SLC66A3: variants seen among roughly 807,000 people sequenced by gnomAD.
SLC66A3 encodes the protein PQ loop repeat containing 3.
SLC66A3 carries 23 observed loss-of-function variants against 25.5 expected under a neutral mutation model. The observed-to-expected ratio is 0.90, with a 90% CI of 0.65 to 1.28. The LOEUF (loss-of-function observed/expected upper bound fraction) is 1.28, where lower values mean the gene tolerates loss of function less well. Ranked by LOEUF, SLC66A3 falls within the 50% of genes most tolerant of loss-of-function variation. The probability of loss-of-function intolerance (pLI) is 0.00; values close to 1 mark genes in which losing one functional copy is unlikely to be tolerated. For synonymous variants in SLC66A3, 108 were observed against 112.6 expected (o/e 0.96, Z 0.26); for missense variants, 246 against 262.1 (o/e 0.94, Z 0.42).
rs761534068 is a variant in SLC66A3, at chr2:11,178,559, A to G, written c.*731A>G. On this transcript the variant is annotated 3_prime_UTR_variant, in exon 7 of 7. Transcript: ENST00000295083. ...TGCCATTTTTTAAAGGGCCACAACT[A>G]TAGAATTACCACTGTTGGAATTTGG... is the stretch of plus-strand genomic sequence containing the variant. 8 of 152,672 alleles carry G rather than the reference A, an allele frequency of 5.2e-5. No homozygotes were observed. In the South Asian group the frequency reaches 6.2e-4, roughly 12 times the overall value. The allele number at this position is 152,672 out of a possible 1,614,324, so 9.5% of individuals were successfully genotyped here.
chr2:11,164,078 A>G (rs1572181740), intron 3 of SLC66A3, 126 bp from the exon 4 acceptor site: 1 of 580,928 alleles, frequency 1.7e-6, no homozygotes, highest in Non-Finnish European at 3.1e-6. Flanking sequence ...TTCTGGTAGC[A>G]TGTCCTCCCC....
chr2:11,160,599 C>T, intron 2 of SLC66A3, 26 bp from the exon 3 acceptor site: 1 of 1,614,200 alleles, frequency 6.2e-7, no homozygotes. Flanking sequence ...CCCCTTCCCC[C>T]CTCACTCGGA....
chr2:11,165,190 G>A (rs1211148421), intron 4 of SLC66A3, among the ~76,000 whole-genome samples: 3 of 151,612 alleles, frequency 2.0e-5, no homozygotes, highest in Non-Finnish European at 2.9e-5. Flanking sequence ...TGGACAGGGC[G>A]GCTGCCGGGC....
chr2:11,159,043 G>A (rs370049454), intron 1 of SLC66A3, among the ~76,000 whole-genome samples: 1 of 152,214 alleles, frequency 6.6e-6, no homozygotes, highest in East Asian at 1.9e-4. Flanking sequence ...TGGTCTGTAA[G>A]TTGTGGAGGC....
intron 6 of SLC66A3, among the ~76,000 whole-genome samples, chr2:11,175,560 C>T (rs1185261942): frequency 2.0e-5 from 3 of 152,126 alleles, no homozygotes; most frequent in Non-Finnish European, 2.9e-5. Context: ...AGGAAGGATG[C>T]GAGACTGGCA....
intron 1 of SLC66A3, among the ~76,000 whole-genome samples, chr2:11,158,743 C>G (rs1436422881): frequency 1.3e-5 from 2 of 152,046 alleles, no homozygotes; most frequent in African/African-American, 4.8e-5. Flanking sequence ...CCGCTGGAAC[C>G]CGGGAGGTGG....
At chr2:11,159,280 G>T (rs1397206850) in intron 1 of SLC66A3, among the ~76,000 whole-genome samples, 3 of 152,292 alleles carry the variant, frequency 2.0e-5, no homozygotes, top group Admixed American at 2.0e-4. Flanking sequence ...TCTCCCAGGG[G>T]AACAGAGGGG....
chr2:11,157,380 G>A (rs1236703980), intron 1 of SLC66A3, among the ~76,000 whole-genome samples: 1 of 152,238 alleles, frequency 6.6e-6, no homozygotes, highest in Non-Finnish European at 1.5e-5. Context: ...CAGCTCTGCA[G>A]CCTCCAAGCC....
rs149835969 is a variant in SLC66A3 at position 11,164,247 on chromosome 2, A to T, written c.340A>T (p.Ile114Leu). The change falls in exon 4 of 7, where the codon ATA becomes TTA. Residue 114 changes from isoleucine (I) to leucine (L), a missense_variant. Ile to Leu is a conservative substitution (Grantham distance 5). Around this residue, in one of 3 missense-constraint regions of SLC66A3, gnomAD observed 11 missense variants for 29.2 expected, o/e 0.38. Transcript: ENST00000295083. ...CATCCTTGCCCTGCAGAAGTGGATC[A>T]TAGACCTGGCCATGGTAAGTATTAT... The part of the protein sequence containing the change: ...WFILALQKWI[I>L]DLAMNLCTFI... 1.3e-6 allele frequency: 2 copies of T among 1,567,418 alleles called. No individual in the cohort carries two copies. Among genetic ancestry groups the T allele is most frequent in the Admixed American group, 3.8e-5 (2 of 52,654 alleles).
At chr2:11,172,295 G>C (rs1006562241) in intron 5 of SLC66A3, among the ~76,000 whole-genome samples, 16 of 151,962 alleles carry the variant, frequency 1.1e-4, no homozygotes, top group Non-Finnish European at 8.8e-5. Context: ...CCAAAAACCT[G>C]GCCTGATATT....
chr2:11,159,635 G>T (rs1030149704), intron 1 of SLC66A3, among the ~76,000 whole-genome samples: 8 of 152,192 alleles, frequency 5.3e-5, no homozygotes, highest in African/African-American at 1.9e-4. Context: ...CCCCTCCTGT[G>T]TGTTGAAGTC....
At position 11,171,789 on chromosome 2, in the gene SLC66A3, C is replaced by T. The variant is rs571894510; in HGVS notation, c.355-136C>T. 133 of 782,822 alleles carry T rather than the reference C, an allele frequency of 1.7e-4. 2 individuals are homozygous for T. The highest frequency in any genetic ancestry group is 1.5e-3 in the South Asian group (96 of 63,626). The allele number at this position is 782,822 out of a possible 1,614,324, so 48.5% of individuals were successfully genotyped here. On this transcript the variant is annotated intron_variant, in intron 4 of 6. Coordinates refer to ENST00000295083, the MANE Select transcript of SLC66A3 (RefSeq NM_152391.5). ...TTCACCGTGCTAGCCAGGATGGTCT[C>T]GATCTCCTGACCTCATGATCTGCCT...
At chr2:11,161,779 C>T (rs1572179178) in intron 3 of SLC66A3, among the ~76,000 whole-genome samples, 2 of 152,384 alleles carry the variant, frequency 1.3e-5, no homozygotes, top group East Asian at 3.9e-4. Context: ...CCTTGGCTTT[C>T]CAAAGTGCTG....
intron 5 of SLC66A3, chr2:11,172,651 C>G: frequency 3.2e-6 from 1 of 310,966 alleles, no homozygotes. Flanking sequence ...TCTTAAAGGG[C>G]TAATGTCTCC....
chr2:11,175,161 C>A, intron 6 of SLC66A3, 152 bp downstream of exon 6: 1 of 583,582 alleles, frequency 1.7e-6, no homozygotes, highest in Non-Finnish European at 3.0e-6. Context: ...TCTTATTGGT[C>A]ACCATTTTTA....
chr2:11,156,613 G>A, intron 1 of SLC66A3, among the ~76,000 whole-genome samples: 1 of 152,112 alleles, frequency 6.6e-6, no homozygotes, highest in East Asian at 1.9e-4. Flanking sequence ...GTGTGGGAGG[G>A]TGAGGGGTCC....
chr2:11,176,930 C>T (rs1304505563), intron 6 of SLC66A3, among the ~76,000 whole-genome samples: 2 of 152,092 alleles, frequency 1.3e-5, no homozygotes, highest in African/African-American at 2.4e-5. Flanking sequence ...GGAGTGTATC[C>T]GTACCTTAAA....
chr2:11,167,055 ATGAGT>A (rs1367366960), intron 4 of SLC66A3, among the ~76,000 whole-genome samples: 1 of 152,160 alleles, frequency 6.6e-6, no homozygotes, highest in African/African-American at 2.4e-5. Flanking sequence ...CTTACTACTG[ATGAGT>A]TGGGGTGGTT....
At position 11,171,316 on chromosome 2, in the gene SLC66A3, TTAAC is replaced by T. The variant is rs554259611; in HGVS notation, c.355-593_355-590del. ...CTGGGCAACAGAGTGAGACTCTGTC[TTAAC>T]TAACTAACTAACTAAATAAATGTCT... On this transcript the variant is annotated intron_variant, in intron 4 of 6. Transcript: ENST00000295083. 7.5e-3 allele frequency among the ~76,000 whole-genome samples: 1,137 copies of T among 152,164 alleles called. 11 individuals are homozygous for T. Among genetic ancestry groups the T allele is most frequent in the African/African-American group, 0.022 (907 of 41,534 alleles).
Sources: allele counts gnomAD v4.1 joint callset (sites outside exome capture counted in the v4.1 genomes callset), GRCh38; gene constraint gnomAD v4.1.1; regional missense constraint gnomAD v4.1.1; transcripts MANE v1.5; gene names NCBI Gene and HGNC (gene_info 2026-07-23, HGNC 2026-07-21).